Variants in ZSCAN5B observed in about 807,000 individuals in gnomAD.
ZSCAN5B encodes zinc finger and SCAN domain-containing protein 5B.
In ZSCAN5B, 26 loss-of-function variants were observed where a neutral mutation model predicts 25.2. The ratio of observed to expected loss-of-function variants is 1.03; its 90% CI spans 0.76 to 1.43. The LOEUF (loss-of-function observed/expected upper bound fraction) is 1.43, where lower values mean the gene tolerates loss of function less well. ZSCAN5B is among the 40% of genes most tolerant of loss of function. The pLI is 0.00. For synonymous variants in ZSCAN5B, 244 were observed against 240.9 expected, an observed-to-expected ratio of 1.01 and a Z score of -0.12; for missense variants, 745 against 622.1, an observed-to-expected ratio of 1.20 and a Z score of -2.10.
chr19:56,190,000 A>G (rs745320840), exon 5 of ZSCAN5B: 1 of 1,613,862 alleles, frequency 6.2e-7, no homozygotes, highest in South Asian at 1.1e-5. Flanking sequence ...TTACATTTAA[A>G]CGGCCTCTCC....
intron 1 of ZSCAN5B, among the ~76,000 whole-genome samples, chr19:56,194,521 CTG>C (rs1187536308): frequency 1.3e-5 from 2 of 152,090 alleles, no homozygotes; most frequent in Non-Finnish European, 1.5e-5. Context: ...GTCTCAAACT[CTG>C]GGCTCAAGCG....
intron 4 of ZSCAN5B, 110 bp downstream of exon 4, chr19:56,190,727 G>C (rs1456143488): frequency 1.9e-6 from 3 of 1,542,336 alleles, no homozygotes. Flanking sequence ...AAGTGGAGGA[G>C]AGATTTTGGC....
Position 56,191,852 on chromosome 19 carries a change from G to T in ZSCAN5B, c.586C>A (p.Gln196Lys), listed in dbSNP as rs760543987. 4 of 1,613,486 alleles carry T rather than the reference G, an allele frequency of 2.5e-6. No individual in the cohort carries two copies. In the South Asian group the frequency reaches 3.3e-5, roughly 13 times the overall value. The change falls in exon 3 of 5, where the codon CAG becomes AAG. Residue 196 changes from glutamine (Q) to lysine (K), a missense_variant and splice_region_variant. Gln to Lys is a moderately conservative substitution (Grantham distance 53). Coordinates refer to ENST00000586855, the Ensembl canonical transcript of ZSCAN5B. ...ACACCAAGGCCTCACACACTCACCTGCCTCCTGGACAGTGCAGCGACCCTG... is the reference window on the plus strand; with the variant it reads ...ACACCAAGGCCTCACACACTCACCTTCCTCCTGGACAGTGCAGCGACCCTG...
At chr19:56,194,171 C>T (rs2032777691) in intron 1 of ZSCAN5B, among the ~76,000 whole-genome samples, 1 of 152,152 alleles carries the variant, frequency 6.6e-6, no homozygotes, top group Admixed American at 6.5e-5. Context: ...ACCCCCTCCC[C>T]CAGCCCCTGG....
intron 1 of ZSCAN5B, among the ~76,000 whole-genome samples, chr19:56,196,440 G>A (rs1041661724): frequency 2.0e-5 from 3 of 152,152 alleles, no homozygotes; most frequent in Admixed American, 6.5e-5. Context: ...GCAATGTACC[G>A]TATACTTGGA....
exon 3 of ZSCAN5B, chr19:56,191,952 G>T: frequency 6.2e-7 from 1 of 1,613,964 alleles, no homozygotes; most frequent in Non-Finnish European, 8.5e-7. Context: ...CCCACTGGCT[G>T]GACACGTCTC....
At chr19:56,193,293 G>A (rs2032765548) in intron 1 of ZSCAN5B, 114 bp from the exon 2 acceptor site, 1 of 479,152 alleles carries the variant, frequency 2.1e-6, no homozygotes. Context: ...ATCGGACTCA[G>A]CCCTGTGGAA....
chr19:56,191,201 C>A (rs1025180655), intron 3 of ZSCAN5B, among the ~76,000 whole-genome samples: 1 of 152,142 alleles, frequency 6.6e-6, no homozygotes, highest in Non-Finnish European at 1.5e-5. Context: ...CTGTTTGGTT[C>A]TCTGAGAATA....
chr19:56,195,192 G>A (rs545854765), intron 1 of ZSCAN5B, among the ~76,000 whole-genome samples: 16 of 152,216 alleles, frequency 1.1e-4, no homozygotes, highest in African/African-American at 3.4e-4. Flanking sequence ...GGAGACAATC[G>A]GCAGAGGCGG....
At chr19:56,190,446 G>C in exon 5 of ZSCAN5B, 1 of 1,614,064 alleles carries the variant, frequency 6.2e-7, no homozygotes, top group Non-Finnish European at 8.5e-7. Flanking sequence ...CAGATTCAGA[G>C]CATCTCCTCT....
exon 5 of ZSCAN5B, chr19:56,189,797 G>C (rs1361331674): frequency 6.3e-7 from 1 of 1,581,052 alleles, no homozygotes. Context: ...ACTGTCTCTT[G>C]GGGTGGAGGA....
At chr19:56,196,193 A>G (rs2032807410) in intron 1 of ZSCAN5B, among the ~76,000 whole-genome samples, 2 of 152,010 alleles carry the variant, frequency 1.3e-5, no homozygotes, top group South Asian at 4.2e-4. Context: ...CTGGGATTAT[A>G]GGCGTGAGCC....
intron 3 of ZSCAN5B, among the ~76,000 whole-genome samples, chr19:56,191,559 A>T (rs1001602298): frequency 6.6e-6 from 1 of 152,170 alleles, no homozygotes; most frequent in Non-Finnish European, 1.5e-5. Flanking sequence ...TGGATGGGGT[A>T]GGGACCTTCA....
chr19:56,191,822 C>T lies in ZSCAN5B; in HGVS notation c.588+28G>A, dbSNP rs1433074739. ...CCTCCTGTTCCTTCTCCCACCTCTG[C>T]CCAGACACCAAGGCCTCACACACTC... On this transcript the variant is annotated intron_variant, in intron 3 of 4. Coordinates refer to ENST00000586855, the Ensembl canonical transcript of ZSCAN5B. 4 of 1,609,050 alleles carry T rather than the reference C, an allele frequency of 2.5e-6. No individual in the cohort carries two copies. In the South Asian group the frequency reaches 4.4e-5, roughly 18 times the overall value.
chr19:56,189,907 G>A, exon 5 of ZSCAN5B: 1 of 1,614,020 alleles, frequency 6.2e-7, no homozygotes, highest in Non-Finnish European at 8.5e-7. Context: ...TGACAGGTGG[G>A]ACATTTGTAG....
exon 3 of ZSCAN5B, chr19:56,192,004 ACATCTG>A: frequency 6.2e-7 from 1 of 1,613,772 alleles, no homozygotes; most frequent in Non-Finnish European, 8.5e-7. Flanking sequence ...AGCCATCTCG[ACATCTG>A]AGTTCAGCAT....
chr19:56,196,315 G>A (rs1254539919), intron 1 of ZSCAN5B, among the ~76,000 whole-genome samples: 2 of 151,948 alleles, frequency 1.3e-5, no homozygotes, highest in East Asian at 3.9e-4. Context: ...GCCTCCCAGA[G>A]TGCTGGGATT....
At chr19:56,196,702 G>GC (rs1203710648) in intron 1 of ZSCAN5B, among the ~76,000 whole-genome samples, 4 of 152,196 alleles carry the variant, frequency 2.6e-5, no homozygotes, top group Non-Finnish European at 4.4e-5. Flanking sequence ...CTTCAGCCCA[G>GC]CAGTGAACCG....
exon 5 of ZSCAN5B, chr19:56,190,234 T>G (rs2032709106): frequency 4.3e-6 from 7 of 1,614,120 alleles, no homozygotes; most frequent in Non-Finnish European, 5.9e-6. Flanking sequence ...AATGATTTAT[T>G]GCACACGTCA....
Sources: gnomAD v4.1 joint callset for allele counts (sites outside exome capture counted in the v4.1 genomes callset) on GRCh38, gnomAD v4.1.1 for gene constraint, MANE v1.5 for transcripts, NCBI Gene and HGNC (gene_info 2026-07-23, HGNC 2026-07-21) for gene names.